SAP30BP: variants seen among roughly 807,000 people sequenced by gnomAD.
The protein encoded by SAP30BP is SAP30-binding protein.
SAP30BP carries 31 observed loss-of-function variants against 46.3 expected under a neutral mutation model. The ratio of observed to expected loss-of-function variants is 0.67; its 90% CI spans 0.50 to 0.90. The LOEUF is 0.90. Ranked by LOEUF, SAP30BP falls within the 40% of genes least tolerant of loss-of-function variation. SAP30BP has a pLI of 0.00. For synonymous variants in SAP30BP, 169 were observed against 144.2 expected, an observed-to-expected ratio of 1.17 and a Z score of -1.23; for missense variants, 312 against 391.0, an observed-to-expected ratio of 0.80 and a Z score of 1.70.
chr17:75,667,468 C>A lies in SAP30BP; in HGVS notation c.96C>A (p.Gly32=). The stretch of plus-strand genomic sequence containing the variant: ...GCGAGGCTGGAATCGAGGCGGTGGG[C>A]AGCGCGGCTGGTAAGGCCCAAGTGC... The part of the protein sequence containing the change: ...SDGEAGIEAV[G]SAAEEKGGLV... The change falls in exon 1 of 11, where the codon GGC becomes GGA. Residue 32 remains glycine (G), a synonymous_variant. Transcript: ENST00000584667. 6.2e-7 allele frequency: 1 copy of A among 1,614,074 alleles called. No homozygotes were observed. The highest frequency in any genetic ancestry group is 8.5e-7 in the Non-Finnish European group (1 of 1,179,996).
chr17:75,683,050 A>AT (rs139510164), intron 3 of SAP30BP, among the ~76,000 whole-genome samples: 63,191 of 137,164 alleles, frequency 0.46, 16,216 homozygotes, highest in Non-Finnish European at 0.57. Flanking sequence ...TTATTTATTT[A>AT]TTTATTTTTT....
chr17:75,700,657 T>G (rs2060394676), intron 5 of SAP30BP, among the ~76,000 whole-genome samples: 1 of 152,190 alleles, frequency 6.6e-6, no homozygotes, highest in South Asian at 2.1e-4. Context: ...AGAGCAGGAC[T>G]GGGGGTGCAG....
intron 9 of SAP30BP, chr17:75,705,489 G>A (rs2060481981): frequency 3.0e-6 from 1 of 333,528 alleles, no homozygotes; most frequent in Non-Finnish European, 4.4e-6. Context: ...TGGCCCTCTG[G>A]AGGTGCTGGC....
At chr17:75,669,807 T>C (rs866702632) in intron 2 of SAP30BP, among the ~76,000 whole-genome samples, 2 of 152,178 alleles carry the variant, frequency 1.3e-5, no homozygotes, top group African/African-American at 4.8e-5. Flanking sequence ...ACCTGTGCTA[T>C]TATTAACAAG....
At position 75,704,807 on chromosome 17, in the gene SAP30BP, G is replaced by T; in HGVS notation, c.653G>T (p.Arg218Leu). The T allele has an allele frequency of 1.2e-6, 2 of 1,613,068 alleles. No individual in the cohort carries two copies. Among genetic ancestry groups the T allele is most frequent in the South Asian group, 2.2e-5 (2 of 91,044 alleles). Residue 218 changes from arginine (R) to leucine (L), a missense_variant, in exon 9 of 11, where the codon CGA becomes CTA. By Grantham distance (102) the Arg-to-Leu change is moderately radical (BLOSUM62 -2). Transcript: ENST00000584667. ...MDKLEKAKKE[R>L]TKIEFVTGTK... ...AAATTGGAAAAGGCCAAAAAGGAGCGAACAAAAGTAAGTGATGGCAGACCT... is the reference window on the plus strand; with the variant it reads ...AAATTGGAAAAGGCCAAAAAGGAGCTAACAAAAGTAAGTGATGGCAGACCT...
At chr17:75,696,922 C>T (rs1451963427) in intron 4 of SAP30BP, among the ~76,000 whole-genome samples, 1 of 151,882 alleles carries the variant, frequency 6.6e-6, no homozygotes, top group Middle Eastern at 3.2e-3. Context: ...GGACTACAGG[C>T]GCCCACCACC....
intron 3 of SAP30BP, among the ~76,000 whole-genome samples, chr17:75,676,660 A>T (rs77468092): frequency 0.016 from 2,387 of 152,336 alleles, 66 homozygotes; most frequent in African/African-American, 0.053. Context: ...TCAAATAATC[A>T]CAAACGGTAG....
intron 1 of SAP30BP, 58 bp downstream of exon 1, chr17:75,667,536 C>A (rs1599075181): frequency 6.7e-7 from 1 of 1,503,602 alleles, no homozygotes; most frequent in Non-Finnish European, 9.2e-7. Context: ...GAATGCTGTA[C>A]CCTCGCTGGG....
At chr17:75,672,702 A>T (rs927213727) in intron 3 of SAP30BP, among the ~76,000 whole-genome samples, 3 of 152,208 alleles carry the variant, frequency 2.0e-5, no homozygotes, top group Non-Finnish European at 4.4e-5. Flanking sequence ...CACGCCTGTA[A>T]TCCCAGCACT....
intron 3 of SAP30BP, among the ~76,000 whole-genome samples, chr17:75,688,431 C>T (rs2060193917): frequency 6.6e-6 from 1 of 152,202 alleles, no homozygotes; most frequent in South Asian, 2.1e-4. Flanking sequence ...CAGTCTGTAG[C>T]ATTCTTGCCT....
intron 3 of SAP30BP, among the ~76,000 whole-genome samples, chr17:75,677,142 G>C (rs975425718): frequency 1.9e-5 from 2 of 107,836 alleles, no homozygotes; most frequent in African/African-American, 7.1e-5. Context: ...CACTCACTCT[G>C]TTGCCCAAGC....
chr17:75,684,266 G>A (rs1434409381), intron 3 of SAP30BP, among the ~76,000 whole-genome samples: 1 of 152,226 alleles, frequency 6.6e-6, no homozygotes, highest in Non-Finnish European at 1.5e-5. Flanking sequence ...TAGGGTTATT[G>A]TGAGACTTGA....
chr17:75,702,874 C>T (rs942679484), intron 6 of SAP30BP: 3 of 311,504 alleles, frequency 9.6e-6, no homozygotes, highest in Non-Finnish European at 1.8e-5. Flanking sequence ...CCCCTGTCCT[C>T]ATGGAAGGAA....
intron 3 of SAP30BP, among the ~76,000 whole-genome samples, chr17:75,687,934 G>GT (rs1158929989): frequency 4.2e-5 from 4 of 95,494 alleles, no homozygotes; most frequent in African/African-American, 1.4e-4. Flanking sequence ...GTGTGTGTGT[G>GT]TGTGTGTGTG....
chr17:75,699,645 A>C (rs1274644512), intron 4 of SAP30BP, 138 bp from the exon 5 acceptor site: 4 of 571,242 alleles, frequency 7.0e-6, no homozygotes, highest in Non-Finnish European at 1.3e-5. Context: ...CAGAGAGGCC[A>C]CATCCGAACA....
chr17:75,693,392 G>T (rs1445143691), intron 3 of SAP30BP, 48 bp from the exon 4 acceptor site: 1 of 1,544,814 alleles, frequency 6.5e-7, no homozygotes, highest in Non-Finnish European at 8.9e-7. Flanking sequence ...AGAGTAGCTG[G>T]TTCAGGAGCC....
intron 3 of SAP30BP, among the ~76,000 whole-genome samples, chr17:75,678,820 G>T (rs1465066203): frequency 1.3e-5 from 2 of 152,146 alleles, no homozygotes; most frequent in Non-Finnish European, 2.9e-5. Flanking sequence ...GTGTTTGAAG[G>T]TCTGCTGAGG....
In SAP30BP at chr17:75,704,765, A is replaced by G; in HGVS notation, c.611A>G (p.Gln204Arg). The stretch of plus-strand genomic sequence containing the variant: ...TCTCTTGTCTTCATAGCCAAGGCCC[A>G]GAAAATTGAGATGGACAAATTGGAA... Reference protein sequence around the residue: ...DSYYEALAKAQKIEMDKLEKA... With the variant: ...DSYYEALAKARKIEMDKLEKA... The change falls in exon 9 of 11, where the codon CAG (glutamine) becomes CGG (arginine). Residue 204 changes from glutamine to arginine, a missense_variant. Physicochemically the swap from Gln to Arg is conservative, Grantham distance 43 (BLOSUM62 1). Around this residue, in one of 2 missense-constraint regions of SAP30BP, gnomAD observed 296 missense variants for 346.6 expected, o/e 0.85. Coordinates refer to ENST00000584667, the MANE Select transcript of SAP30BP (RefSeq NM_013260.8). The G allele has an allele frequency of 3.1e-6, 5 of 1,613,792 alleles. No individual in the cohort carries two copies. The highest frequency in any genetic ancestry group is 4.2e-6 in the Non-Finnish European group (5 of 1,179,824).
chr17:75,671,402 A>G (rs899939490), intron 2 of SAP30BP, among the ~76,000 whole-genome samples: 4 of 152,236 alleles, frequency 2.6e-5, no homozygotes, highest in African/African-American at 9.6e-5. Flanking sequence ...GTATATGAAA[A>G]GGAAAGAAGG....
Sources: allele counts gnomAD v4.1 joint callset (sites outside exome capture counted in the v4.1 genomes callset), GRCh38; gene constraint gnomAD v4.1.1; regional missense constraint gnomAD v4.1.1; transcripts MANE v1.5; gene names NCBI Gene and HGNC (gene_info 2026-07-23, HGNC 2026-07-21).